Variants in BRD10 observed in about 807,000 individuals in gnomAD.
BRD10 encodes uncharacterized bromodomain-containing protein 10.
the BRD10 span, among the ~76,000 whole-genome samples, chr9:5,943,972 T>G: frequency 2.6e-5 from 4 of 152,150 alleles, no homozygotes; most frequent in African/African-American, 9.7e-5. Flanking sequence ...TACCAACATG[T>G]CTTTCCTAAC....
the BRD10 span, among the ~76,000 whole-genome samples, chr9:5,958,479 T>C: frequency 6.6e-6 from 1 of 152,094 alleles, no homozygotes; most frequent in Non-Finnish European, 1.5e-5. Context: ...TACTCAGACT[T>C]CCACTTTAAG....
At chr9:5,929,353 G>A in the BRD10 span, among the ~76,000 whole-genome samples, 1 of 152,168 alleles carries the variant, frequency 6.6e-6, no homozygotes, top group Admixed American at 6.5e-5. Context: ...TTCTACCAGA[G>A]AAATCTGAAA....
chr9:5,986,396 C>T, the BRD10 span, among the ~76,000 whole-genome samples: 1 of 152,226 alleles, frequency 6.6e-6, no homozygotes, highest in South Asian at 2.1e-4. Context: ...GGGTTGATTC[C>T]ATGTCTTTGC....
chr9:5,914,409 G>GTTTTTTTTTTTTTTTTTTTTTTTTT, the BRD10 span, among the ~76,000 whole-genome samples: 5 of 106,924 alleles, frequency 4.7e-5, 2 homozygotes, highest in Non-Finnish European at 3.6e-5. Flanking sequence ...AAATCCAGAT[G>GTTTTTTTTTTTTTTTTTTTTTTTTT]GTTTTTTTTT....
chr9:5,892,698 T>C, the BRD10 span: 1 of 632,210 alleles, frequency 1.6e-6, no homozygotes, highest in South Asian at 2.4e-5. Flanking sequence ...GGGGAGGAGA[T>C]TCTGTGCTTC....
chr9:5,885,668 C>T, the BRD10 span, among the ~76,000 whole-genome samples: 4 of 152,162 alleles, frequency 2.6e-5, no homozygotes, highest in South Asian at 2.1e-4. Flanking sequence ...CCACCGCACC[C>T]GGCCCATATG....
the BRD10 span, among the ~76,000 whole-genome samples, chr9:5,957,972 G>C: frequency 3.6e-4 from 55 of 151,966 alleles, no homozygotes; most frequent in Non-Finnish European, 5.4e-4. Flanking sequence ...ACTGCCCTAA[G>C]TTACTTGGTC....
chr9:5,881,620 A>G, the BRD10 span: 1 of 152,242 alleles, frequency 6.6e-6, no homozygotes, highest in Admixed American at 6.5e-5. Flanking sequence ...AGGGCTGTGT[A>G]CAGTGAGTAA....
the BRD10 span, among the ~76,000 whole-genome samples, chr9:5,991,180 GTATATATATATA>G: frequency 6.7e-6 from 1 of 150,226 alleles, no homozygotes; most frequent in Non-Finnish European, 1.5e-5. Context: ...GTGTGTGTGT[GTATATATATATA>G]TATATATATC....
chr9:5,974,610 A>G, the BRD10 span, among the ~76,000 whole-genome samples: 1 of 152,214 alleles, frequency 6.6e-6, no homozygotes, highest in African/African-American at 2.4e-5. Context: ...GAAGGAGCCA[A>G]GAGTCCAGAG....
chr9:5,923,289 T>C, the BRD10 span: 4 of 1,607,262 alleles, frequency 2.5e-6, no homozygotes, highest in South Asian at 2.2e-5. Flanking sequence ...GGAAAATCTA[T>C]TTCTGACAAC....
At chr9:5,883,761 T>G in the BRD10 span, among the ~76,000 whole-genome samples, 1 of 152,160 alleles carries the variant, frequency 6.6e-6, no homozygotes, top group African/African-American at 2.4e-5. Flanking sequence ...CATGAGCCAC[T>G]GCACCCACCC....
chr9:5,991,411 C>A, the BRD10 span, among the ~76,000 whole-genome samples: 1 of 152,026 alleles, frequency 6.6e-6, no homozygotes, highest in African/African-American at 2.4e-5. Context: ...CATATAGTAA[C>A]CCAGGTAATC....
At chr9:5,892,975 TGA>T in the BRD10 span, among the ~76,000 whole-genome samples, 3 of 152,172 alleles carry the variant, frequency 2.0e-5, no homozygotes, top group Admixed American at 2.0e-4. Context: ...CAGGTGTGTG[TGA>T]CTCAGCCCAC....
At chr9:5,925,949 GCTCTGT>G in the BRD10 span, among the ~76,000 whole-genome samples, 14 of 151,828 alleles carry the variant, frequency 9.2e-5, no homozygotes, top group Admixed American at 2.6e-4. Context: ...CCTTCGTCTT[GCTCTGT>G]CACCCAGATT....
At chr9:5,967,282 A>G in the BRD10 span, among the ~76,000 whole-genome samples, 1 of 152,178 alleles carries the variant, frequency 6.6e-6, no homozygotes, top group Non-Finnish European at 1.5e-5. Flanking sequence ...TAAATGAGAC[A>G]TAAACTGATT....
the BRD10 span, chr9:5,988,270 A>G: frequency 9.5e-7 from 1 of 1,053,666 alleles, no homozygotes; most frequent in Non-Finnish European, 1.5e-6. Flanking sequence ...ACACTACTAA[A>G]ATGGGCCCAG....
chr9:6,005,708 A>G, the BRD10 span, among the ~76,000 whole-genome samples: 3 of 152,218 alleles, frequency 2.0e-5, no homozygotes, highest in South Asian at 2.1e-4. Context: ...AGGATACTTC[A>G]TAACTTCAAA....
the BRD10 span, among the ~76,000 whole-genome samples, chr9:5,984,963 G>GA: frequency 2.8e-4 from 41 of 145,028 alleles, no homozygotes; most frequent in South Asian, 6.5e-4. Flanking sequence ...AAACGAATTT[G>GA]AAAAAAAAAA....
Sources: allele counts gnomAD v4.1 joint callset (sites outside exome capture counted in the v4.1 genomes callset), GRCh38; gene constraint gnomAD v4.1.1; transcripts MANE v1.5; gene names NCBI Gene and HGNC (gene_info 2026-07-23, HGNC 2026-07-21).